Variants in EHBP1L1 observed in about 807,000 individuals in gnomAD.
EHBP1L1 encodes EH domain binding protein 1 like 1.
In EHBP1L1, 122 loss-of-function variants were observed where a neutral mutation model predicts 151.1. The observed-to-expected ratio is 0.81, with a 90% CI of 0.70 to 0.94. EHBP1L1 has a LOEUF of 0.94. EHBP1L1 is among the 40% of genes least tolerant of loss of function. EHBP1L1 has a pLI of 0.00. For synonymous variants in EHBP1L1, 878 were observed against 810.1 expected (o/e 1.08, Z -1.42); for missense variants, 1,941 against 1,959.8 (o/e 0.99, Z 0.18).
intron 12 of EHBP1L1, among the ~76,000 whole-genome samples, chr11:65,588,853 G>C (rs1858110605): frequency 6.6e-6 from 1 of 152,242 alleles, no homozygotes; most frequent in Non-Finnish European, 1.5e-5. Flanking sequence ...TCCTGGGTGT[G>C]GGAACTGAAA....
chr11:65,585,278 TG>T lies in EHBP1L1; in HGVS notation c.3622del (p.Ala1208ProfsTer33). On this transcript the variant is annotated frameshift_variant, in exon 12 of 19. Transcript: ENST00000309295. LOFTEE classifies it high-confidence loss of function. The surrounding 1 kb of genome is among the most constrained non-coding windows in gnomAD (Gnocchi z 4.0). ...CGCGCAGACGGGGCGGCCCCGGGGG[TG>T]GCCTCCAGGAACGCGGTCGCGGGCC... is the stretch of plus-strand genomic sequence containing the variant. ...ADRADGAAPGVASRNAVAGRA... is the reference protein window; with the variant it reads ...ADRADGAAPGXASRNAVAGRA... 2 of 1,079,070 alleles carry T rather than the reference TG, an allele frequency of 1.9e-6. No individual in the cohort carries two copies. The highest frequency in any genetic ancestry group is 2.2e-6 in the Non-Finnish European group (2 of 890,158). The allele number at this position is 1,079,070 out of a possible 1,614,324, so 66.8% of individuals were successfully genotyped here.
At chr11:65,587,016 C>T (rs778993466) in intron 12 of EHBP1L1, among the ~76,000 whole-genome samples, 3 of 152,156 alleles carry the variant, frequency 2.0e-5, no homozygotes, top group Non-Finnish European at 4.4e-5. Context: ...TGGCCTGGCC[C>T]GGCCCTTGGG....
chr11:65,584,877 C>G, intron 11 of EHBP1L1, 82 bp from the exon 12 acceptor site: 2 of 1,484,586 alleles, frequency 1.3e-6, no homozygotes, highest in Non-Finnish European at 1.8e-6. Context: ...TCCCGGGGAC[C>G]CCCTCCGTGG....
In EHBP1L1 at chr11:65,583,492, G is replaced by T; in HGVS notation, c.2820G>T (p.Gly940=). ...TGAGAGTCCAGGAGGCAGAGGCTGG[G>T]GTTTGGGGGATGTCAGAGGGCAAAT... is the stretch of plus-strand genomic sequence containing the variant. ...QVLRVQEAEA[G]VWGMSEGKSG... The change falls in exon 9 of 19, where the codon GGG becomes GGT. Residue 940 remains glycine, a synonymous_variant. Coordinates refer to ENST00000309295, the MANE Select transcript of EHBP1L1 (RefSeq NM_001099409.3). 6.2e-7 allele frequency: 1 copy of T among 1,613,582 alleles called. No homozygotes were observed. The highest frequency in any genetic ancestry group is 8.5e-7 in the Non-Finnish European group (1 of 1,179,788).
rs911983686 is a variant in EHBP1L1 at position 65,585,859 on chromosome 11, C to T, written c.3933+268C>T. ...CCACCAGGCAGGGTCCCCAGCTTTG[C>T]GGCCAGCCTGGGATAAGTGCTGAGG... On this transcript the variant is annotated intron_variant, in intron 12 of 18. Transcript: ENST00000309295. The surrounding 1 kb of genome is among the most constrained non-coding windows in gnomAD (Gnocchi z 4.0). 6.6e-6 allele frequency among the ~76,000 whole-genome samples: 1 copy of T among 152,230 alleles called. No homozygotes were observed. Among genetic ancestry groups the T allele is most frequent in the Admixed American group, 6.5e-5 (1 of 15,284 alleles).
At chr11:65,584,875 AC>A in intron 11 of EHBP1L1, 83 bp from the exon 12 acceptor site, 3 of 1,480,848 alleles carry the variant, frequency 2.0e-6, no homozygotes, top group East Asian at 2.5e-5. Flanking sequence ...AATCCCGGGG[AC>A]CCCCTCCGTG....
At chr11:65,576,538 C>G in intron 1 of EHBP1L1, 132 bp downstream of exon 1, 5 of 768,278 alleles carry the variant, frequency 6.5e-6, no homozygotes, top group Non-Finnish European at 1.0e-5. Context: ...GCCCTGGTTC[C>G]GTTCCCAGGC....
At position 65,584,338 on chromosome 11, in the gene EHBP1L1, C is replaced by T; in HGVS notation, c.3191C>T (p.Thr1064Ile). 1 of 1,610,694 alleles carries T rather than the reference C, an allele frequency of 6.2e-7. No homozygotes were observed. Among genetic ancestry groups the T allele is most frequent in the South Asian group, 1.1e-5 (1 of 90,902 alleles). ...GGCGTCCGCATCACCAACTTCACCA[C>T]ATCCTGGCGCAACGGCTTGGCCTTC... ...YRGVRITNFT[T>I]SWRNGLAFCA... Residue 1064 changes from threonine to isoleucine, a missense_variant, in exon 10 of 19, where the codon ACA (threonine) becomes ATA (isoleucine). By Grantham distance (89) the Thr-to-Ile change is moderately conservative. Coordinates refer to ENST00000309295, the MANE Select transcript of EHBP1L1 (RefSeq NM_001099409.3).
At position 65,581,958 on chromosome 11, in the gene EHBP1L1, G is replaced by C. The variant is rs1219560847; in HGVS notation, c.1286G>C (p.Arg429Thr). The change falls in exon 9 of 19, where the codon AGG (arginine) becomes ACG (threonine). Residue 429 changes from arginine (R) to threonine (T), a missense_variant. Transcript: ENST00000309295. ...GTTTGTCAAGTGGATGCTGAGCAGAGGTCAAAGGTGAGACATGTGGACACT... is the reference window on the plus strand; with the variant it reads ...GTTTGTCAAGTGGATGCTGAGCAGACGTCAAAGGTGAGACATGTGGACACT... The part of the protein sequence containing the change: ...SAVCQVDAEQ[R>T]SKVRHVDTKG... The C allele has an allele frequency of 6.2e-7, 1 of 1,613,832 alleles. No individual in the cohort carries two copies. Among genetic ancestry groups the C allele is most frequent in the East Asian group, 2.2e-5 (1 of 44,886 alleles).
rs575517981 is a variant in EHBP1L1, at chr11:65,576,219, G to C, written c.-84G>C. 18 of 1,303,342 alleles carry C rather than the reference G, an allele frequency of 1.4e-5. No homozygotes were observed. Among genetic ancestry groups the C allele is most frequent in the Non-Finnish European group, 1.7e-5 (17 of 983,480 alleles). 80.7% of individuals were successfully genotyped at this position (1,303,342 alleles called of 1,614,324 possible). A position where few individuals can be genotyped will look rare whatever the true frequency, so the allele number is the denominator to read the frequency against. ...CGGACGGGGCGGGCGGCGCGGACAG[G>C]CCATGGGGACCCGGGCCGGGCCAGC... On this transcript the variant is annotated 5_prime_UTR_variant, in exon 1 of 19. Transcript: ENST00000309295.
intron 16 of EHBP1L1, among the ~76,000 whole-genome samples, chr11:65,590,818 CT>C: frequency 6.7e-6 from 1 of 149,858 alleles, no homozygotes; most frequent in East Asian, 2.0e-4. Context: ...GGCGGATCAT[CT>C]GAGGTCAGGA....
intron 16 of EHBP1L1, chr11:65,591,419 C>T (rs777813547): frequency 2.3e-5 from 8 of 354,248 alleles, no homozygotes; most frequent in South Asian, 1.7e-4. Flanking sequence ...ATGTGGGGTC[C>T]GAAGCCACTC....
chr11:65,591,766 A>ACCCCCCCCCCCCCCCCCCCCC, intron 16 of EHBP1L1, 34 bp from the exon 17 acceptor site: 7 of 806,796 alleles, frequency 8.7e-6, no homozygotes, highest in South Asian at 1.5e-5. Context: ...CTGAACTGCC[A>ACCCCCCCCCCCCCCCCCCCCC]CCCCCCCGCC....
rs772532658 is a variant in EHBP1L1, at chr11:65,580,332, C to T, written c.492-5C>T. 3.3e-5 allele frequency: 54 copies of T among 1,613,634 alleles called. No homozygotes were observed. The highest frequency in any genetic ancestry group is 4.2e-5 in the Non-Finnish European group (50 of 1,179,842). On this transcript the variant is annotated splice_polypyrimidine_tract_variant and splice_region_variant and intron_variant, in intron 5 of 18. Coordinates refer to ENST00000309295, the MANE Select transcript of EHBP1L1 (RefSeq NM_001099409.3). Reference sequence around the variant, plus strand: ...CCACCCTCACCTTTAACCTCTGCCTCCCAGGGACGATGACATGCAGAGTCT... The same window carrying T: ...CCACCCTCACCTTTAACCTCTGCCTTCCAGGGACGATGACATGCAGAGTCT...
chr11:65,588,160 G>A (rs777777976), intron 12 of EHBP1L1, among the ~76,000 whole-genome samples: 5 of 152,114 alleles, frequency 3.3e-5, no homozygotes, highest in African/African-American at 9.7e-5. Flanking sequence ...GGAGGGAGGC[G>A]GGAAGAGTGT....
chr11:65,585,489 G>C lies in EHBP1L1; in HGVS notation c.3831G>C (p.Val1277=), dbSNP rs1416686697. 1 of 1,546,096 alleles carries C rather than the reference G, an allele frequency of 6.5e-7. No homozygotes were observed. The highest frequency in any genetic ancestry group is 1.9e-5 in the Admixed American group (1 of 52,122). Reference sequence around the variant, plus strand: ...GCGCGCACGGCTCCTTCTCCCACGTGCGCGACGCGGACCTGCTCAAGAAGA... The same window carrying C: ...GCGCGCACGGCTCCTTCTCCCACGTCCGCGACGCGGACCTGCTCAAGAAGA... ...PPRAHGSFSH[V]RDADLLKKRR... Residue 1277 remains valine, a synonymous_variant, in exon 12 of 19, where the codon GTG becomes GTC. Coordinates refer to ENST00000309295, the MANE Select transcript of EHBP1L1 (RefSeq NM_001099409.3). This position sits in a 1 kb window ranked among gnomAD's most constrained non-coding sequence, Gnocchi z 4.0.
Position 65,576,296 on chromosome 11 carries a change from G to C in EHBP1L1, c.-7G>C, listed in dbSNP as rs1370641634. ...CCTGAGAAGTGGGCGGCGGGGTGGC[G>C]GGGGCCATGACCTCGGTGTGGAAGC... is the stretch of plus-strand genomic sequence containing the variant. On this transcript the variant is annotated 5_prime_UTR_variant, in exon 1 of 19. Transcript: ENST00000309295. 2 of 1,580,648 alleles carry C rather than the reference G, an allele frequency of 1.3e-6. No homozygotes were observed. The highest frequency in any genetic ancestry group is 3.6e-5 in the Admixed American group (2 of 55,266).
At position 65,592,191 on chromosome 11, in the gene EHBP1L1, C is replaced by A. The variant is rs1418516837; in HGVS notation, c.4473-12C>A. On this transcript the variant is annotated splice_polypyrimidine_tract_variant and intron_variant, in intron 18 of 18. Coordinates refer to ENST00000309295, the MANE Select transcript of EHBP1L1 (RefSeq NM_001099409.3). ...GCCCAACGGAGCGCTGACTCGAACC[C>A]GTTCTCCCCAGCGCCCTGGAGGAGG... 10 of 1,579,290 alleles carry A rather than the reference C, an allele frequency of 6.3e-6. No individual in the cohort carries two copies. The highest frequency in any genetic ancestry group is 2.3e-5 in the East Asian group (1 of 43,146).
chr11:65,591,354 C>G, intron 16 of EHBP1L1: 1 of 235,414 alleles, frequency 4.2e-6, no homozygotes, highest in Non-Finnish European at 8.5e-6. Flanking sequence ...TGCCACTGCA[C>G]TCCAGCCTTT....
Sources: allele counts gnomAD v4.1 joint callset (sites outside exome capture counted in the v4.1 genomes callset), GRCh38; gene constraint gnomAD v4.1.1; non-coding constraint Gnocchi (gnomAD v3.1); transcripts MANE v1.5; gene names NCBI Gene and HGNC (gene_info 2026-07-23, HGNC 2026-07-21).